Variants in MARCHF1 observed in about 807,000 individuals in gnomAD.
MARCHF1 encodes the protein E3 ubiquitin-protein ligase MARCHF1.
A neutral mutation model predicts 54.2 loss-of-function variants in MARCHF1; 40 were observed. That is an observed-to-expected ratio of 0.74 (90% CI 0.57 to 0.96). The LOEUF (loss-of-function observed/expected upper bound fraction) is 0.96. Among genes scored for constraint, MARCHF1 ranks in the 40% least tolerant of loss-of-function variants. The pLI is 0.00. For missense variants in MARCHF1, 586 were observed against 656.5 expected, an observed-to-expected ratio of 0.89 and a Z score of 1.17; for synonymous variants, 236 against 236.3, an observed-to-expected ratio of 1.00 and a Z score of 0.01.
chr4:164,304,577 C>T (rs552444614), intron 1 of MARCHF1, among the ~76,000 whole-genome samples: 84 of 152,216 alleles, frequency 5.5e-4, no homozygotes, highest in South Asian at 1.2e-3. Flanking sequence ...GTACCTAGCC[C>T]GAATTTCAAG....
chr4:163,890,763 C>G (rs900465186), intron 3 of MARCHF1, among the ~76,000 whole-genome samples: 4 of 152,074 alleles, frequency 2.6e-5, no homozygotes, highest in Non-Finnish European at 4.4e-5. Flanking sequence ...CCTGCCTTGG[C>G]CTCCCAAAGT....
rs542417414 is a variant in MARCHF1 at position 163,940,899 on chromosome 4, A to C, written c.-39+47602T>G. 6.8e-4 allele frequency among the ~76,000 whole-genome samples: 103 copies of C among 152,292 alleles called. 1 individual carries two copies. The highest frequency in any genetic ancestry group is 2.4e-3 in the African/African-American group (98 of 41,580). On this transcript the variant is annotated intron_variant, in intron 3 of 9. Transcript: ENST00000514618. ...GAGATAAACATATAAAGTTTGGATC[A>C]GAGTAAACTCTCAATAAATACTTGT...
chr4:163,898,890 A>G (rs1750876103), intron 3 of MARCHF1, among the ~76,000 whole-genome samples: 1 of 152,218 alleles, frequency 6.6e-6, no homozygotes, highest in Admixed American at 6.5e-5. Context: ...TTGCAGCAAT[A>G]TAGGTGGAGC....
chr4:164,077,119 A>T (rs1290006475), intron 2 of MARCHF1, among the ~76,000 whole-genome samples: 1 of 152,188 alleles, frequency 6.6e-6, no homozygotes, highest in East Asian at 1.9e-4. Flanking sequence ...ACGCTACTTG[A>T]CTTCAAACTA....
chr4:164,130,289 T>C (rs1756273228), intron 1 of MARCHF1, among the ~76,000 whole-genome samples: 1 of 152,112 alleles, frequency 6.6e-6, no homozygotes, highest in Non-Finnish European at 1.5e-5. Context: ...TAATTATGCT[T>C]TGAAAATGGT....
At chr4:163,982,040 A>C (rs1466893050) in intron 3 of MARCHF1, among the ~76,000 whole-genome samples, 7 of 152,262 alleles carry the variant, frequency 4.6e-5, no homozygotes, top group African/African-American at 1.7e-4. Context: ...AGTCTTATTA[A>C]TGCAATTATC....
chr4:164,112,689 T>G (rs924873320), intron 1 of MARCHF1, among the ~76,000 whole-genome samples: 2 of 151,882 alleles, frequency 1.3e-5, no homozygotes, highest in African/African-American at 4.8e-5. Context: ...TGGGAACACA[T>G]TGTAACCACA....
intron 1 of MARCHF1, among the ~76,000 whole-genome samples, chr4:164,133,136 A>C (rs975052013): frequency 6.6e-6 from 1 of 152,180 alleles, no homozygotes; most frequent in Non-Finnish European, 1.5e-5. Context: ...AAGAACAGAC[A>C]AAATGTGGCT....
At chr4:164,238,577 T>C (rs983228629) in intron 1 of MARCHF1, among the ~76,000 whole-genome samples, 7 of 151,920 alleles carry the variant, frequency 4.6e-5, no homozygotes, top group Admixed American at 1.3e-4. Context: ...ATCTAAAAAG[T>C]AAGAGATAAA....
At chr4:163,822,099 C>T (rs981864609) in intron 4 of MARCHF1, among the ~76,000 whole-genome samples, 2 of 151,806 alleles carry the variant, frequency 1.3e-5, no homozygotes, top group Non-Finnish European at 2.9e-5. Flanking sequence ...TAAACCATGA[C>T]CTTAACTTTG....
intron 1 of MARCHF1, among the ~76,000 whole-genome samples, chr4:164,236,579 A>G (rs143841691): frequency 2.7e-4 from 41 of 152,260 alleles, no homozygotes; most frequent in Admixed American, 6.5e-4. Flanking sequence ...ATCTGAAATA[A>G]GAGGGCAAAG....
At chr4:164,214,796 C>A (rs1382935737) in intron 1 of MARCHF1, among the ~76,000 whole-genome samples, 1 of 152,130 alleles carries the variant, frequency 6.6e-6, no homozygotes, top group Non-Finnish European at 1.5e-5. Context: ...ACCACAATCC[C>A]CACCATTTCC....
intron 4 of MARCHF1, among the ~76,000 whole-genome samples, chr4:163,740,799 A>G (rs1221141125): frequency 6.6e-6 from 1 of 152,210 alleles, no homozygotes; most frequent in Admixed American, 6.5e-5. Flanking sequence ...GTTTTTACTG[A>G]GTAGGTGAAT....
intron 3 of MARCHF1, among the ~76,000 whole-genome samples, chr4:163,912,672 T>C (rs1318450451): frequency 6.6e-6 from 1 of 152,196 alleles, no homozygotes; most frequent in East Asian, 1.9e-4. Context: ...TAACATTTCT[T>C]CTTCTTGTTT....
intron 7 of MARCHF1, among the ~76,000 whole-genome samples, chr4:163,596,271 A>T (rs1740766132): frequency 6.6e-6 from 1 of 151,990 alleles, no homozygotes; most frequent in Non-Finnish European, 1.5e-5. Context: ...CTGGGCGCCG[A>T]TGGCTCACAC....
At chr4:163,896,667 A>G (rs1405877553) in intron 3 of MARCHF1, among the ~76,000 whole-genome samples, 2 of 152,166 alleles carry the variant, frequency 1.3e-5, no homozygotes, top group Non-Finnish European at 2.9e-5. Flanking sequence ...TTTTCCTGAC[A>G]TCTATCTCTT....
At chr4:163,885,720 T>C (rs1179040348) in intron 3 of MARCHF1, among the ~76,000 whole-genome samples, 11 of 151,932 alleles carry the variant, frequency 7.2e-5, no homozygotes, top group Non-Finnish European at 1.5e-4. Flanking sequence ...GTTTTTATAA[T>C]GTACACAATA....
intron 2 of MARCHF1, among the ~76,000 whole-genome samples, chr4:163,997,162 G>GA (rs1005328886): frequency 6.6e-6 from 1 of 151,878 alleles, no homozygotes; most frequent in African/African-American, 2.4e-5. Context: ...CAAGAGCAGA[G>GA]AAAAGCAAAG....
chr4:163,531,474 T>C (rs1293432081), intron 9 of MARCHF1, among the ~76,000 whole-genome samples: 3 of 151,726 alleles, frequency 2.0e-5, no homozygotes, highest in South Asian at 2.1e-4. Context: ...ATAAAGAACA[T>C]AGAAAACCTA....
Sources: gnomAD v4.1 joint callset for allele counts (sites outside exome capture counted in the v4.1 genomes callset) on GRCh38, gnomAD v4.1.1 for gene constraint, MANE v1.5 for transcripts, NCBI Gene and HGNC (gene_info 2026-07-23, HGNC 2026-07-21) for gene names.